Variants in PTPN2 observed in about 807,000 individuals in gnomAD.
PTPN2 encodes tyrosine-protein phosphatase non-receptor type 2.
A neutral mutation model predicts 57.3 loss-of-function variants in PTPN2; 19 were observed. That is an observed-to-expected ratio of 0.33 (90% CI 0.23 to 0.49). PTPN2 has a LOEUF of 0.49. Among genes scored for constraint, PTPN2 ranks in the 20% least tolerant of loss-of-function variants. The pLI is 0.99. For missense variants in PTPN2, 358 were observed against 501.1 expected (o/e 0.71, Z 2.73); for synonymous variants, 153 against 164.9 (o/e 0.93, Z 0.55).
In PTPN2 at chr18:12,792,889, C is replaced by A; in HGVS notation, c.*1389G>T. 1.0e-6 allele frequency: 1 copy of A among 980,628 alleles called. No homozygotes were observed. Among genetic ancestry groups the A allele is most frequent in the Non-Finnish European group, 1.2e-6 (1 of 825,530 alleles). The allele number at this position is 980,628 out of a possible 1,614,324, so 60.7% of individuals were successfully genotyped here. ...TACAGGCATGAGCCACCGCGCCCGA[C>A]CAAACTGTTTTTAAATGATAACTGC... is the stretch of plus-strand genomic sequence containing the variant. On this transcript the variant is annotated 3_prime_UTR_variant, in exon 9 of 9. Transcript: ENST00000309660.
At chr18:12,836,544 T>G (rs1403091628) in intron 3 of PTPN2, among the ~76,000 whole-genome samples, 1 of 152,258 alleles carries the variant, frequency 6.6e-6, no homozygotes, top group African/African-American at 2.4e-5. Flanking sequence ...GCCAAAGAAC[T>G]GGCCTAAGCC....
Position 12,870,374 on chromosome 18 carries a change from CATATATATACGTATATAT to C in PTPN2, c.70-11138_70-11121del, listed in dbSNP as rs1568169065. Among the ~76,000 whole-genome samples, 75 of 39,494 alleles carry C rather than the reference CATATATATACGTATATAT, an allele frequency of 1.9e-3. 1 individual carries two copies. The highest frequency in any genetic ancestry group is 2.7e-3 in the Non-Finnish European group (67 of 24,642). The allele number at this position is 39,494 out of a possible 152,430, so 25.9% of individuals were successfully genotyped here. A position where few individuals can be genotyped will look rare whatever the true frequency, so the allele number is the denominator to read the frequency against. ...ATGTGTATATATATGTGTATATATACATATATATACGTATATATGTATATATACACGTATATATATGTA... is the reference window on the plus strand; with the variant it reads ...ATGTGTATATATATGTGTATATATACGTATATATACACGTATATATATGTA... On this transcript the variant is annotated intron_variant, in intron 1 of 8. Transcript: ENST00000309660.
At chr18:12,829,769 T>C (rs1483978883) in intron 4 of PTPN2, among the ~76,000 whole-genome samples, 4 of 152,242 alleles carry the variant, frequency 2.6e-5, no homozygotes, top group African/African-American at 7.2e-5. Flanking sequence ...AATGACAGAA[T>C]TGGATTATCA....
rs1192374274 is a variant in PTPN2, at chr18:12,847,404, G to A, written c.161-10513C>T. ...TATTTTGGGCTTAACACAGGATAAAGAACTCTTTTTTCCATGTAAAAGTTC... is the reference window on the plus strand; with the variant it reads ...TATTTTGGGCTTAACACAGGATAAAAAACTCTTTTTTCCATGTAAAAGTTC... On this transcript the variant is annotated intron_variant, in intron 2 of 8. Transcript: ENST00000309660. Among the ~76,000 whole-genome samples the A allele has an allele frequency of 3.3e-5, 5 of 152,252 alleles. No individual in the cohort carries two copies. In the East Asian group the frequency reaches 7.7e-4, roughly 24 times the overall value.
intron 7 of PTPN2, among the ~76,000 whole-genome samples, chr18:12,805,788 C>A (rs567099479): frequency 1.3e-5 from 2 of 151,944 alleles, no homozygotes; most frequent in South Asian, 4.2e-4. Flanking sequence ...TGCCAGCATA[C>A]CCAGCTAATT....
At chr18:12,862,914 T>C (rs112812977) in intron 1 of PTPN2, among the ~76,000 whole-genome samples, 2 of 58,500 alleles carry the variant, frequency 3.4e-5, no homozygotes, top group Admixed American at 2.3e-4. Context: ...AAATCAGGTC[T>C]GTAATATACG....
intron 7 of PTPN2, among the ~76,000 whole-genome samples, chr18:12,804,102 C>T (rs1442801192): frequency 6.6e-6 from 1 of 151,838 alleles, no homozygotes; most frequent in Non-Finnish European, 1.5e-5. Context: ...GAGTTTGAGA[C>T]CAGCCTGGCC....
intron 1 of PTPN2, among the ~76,000 whole-genome samples, chr18:12,870,817 A>G (rs1216632528): frequency 2.6e-5 from 4 of 151,848 alleles, no homozygotes; most frequent in African/African-American, 4.8e-5. Context: ...CAGCACATAC[A>G]TATTTTTTTA....
At chr18:12,859,996 T>C (rs1046310220) in intron 1 of PTPN2, among the ~76,000 whole-genome samples, 2 of 151,694 alleles carry the variant, frequency 1.3e-5, no homozygotes, top group Admixed American at 1.3e-4. Context: ...CTATTAAAAA[T>C]ACAAAAATTT....
chr18:12,883,966 GAGAGGCT>G lies in PTPN2; in HGVS notation c.69+100_69+106del, dbSNP rs1221214113. 3.9e-4 allele frequency: 382 copies of G among 983,774 alleles called. 1 individual carries two copies. In the African/African-American group the frequency reaches 5.3e-3, roughly 14 times the overall value. The allele number at this position is 983,774 out of a possible 1,614,324, so 60.9% of individuals were successfully genotyped here. On this transcript the variant is annotated intron_variant, in intron 1 of 8. Transcript: ENST00000309660. ...CCGCGCCGCCACTTCCGCCCCGAGC[GAGAGGCT>G]AGAGGCGAGAGGCGGGGGAGGCGGG...
chr18:12,790,825 C>T (rs1219463436), downstream of PTPN2, among the ~76,000 whole-genome samples: 1 of 152,208 alleles, frequency 6.6e-6, no homozygotes, highest in African/African-American at 2.4e-5. Context: ...TGCTGACATA[C>T]CATTAAAAGA....
At chr18:12,785,602 T>A in exon 10 of PTPN2, 1 of 596,892 alleles carries the variant, frequency 1.7e-6, no homozygotes, top group South Asian at 2.0e-5. Context: ...CATACACTCA[T>A]TAAAAACACT....
At chr18:12,883,889 T>TTA (rs1555682675) in intron 1 of PTPN2, 184 bp downstream of exon 1, 5 of 471,240 alleles carry the variant, frequency 1.1e-5, no homozygotes, top group Non-Finnish European at 1.9e-5. Context: ...TTTTTTTTTT[T>TTA]AAACCAAAAG....
At chr18:12,794,512 G>C (rs1484728326) in intron 8 of PTPN2, 27 bp from the exon 9 acceptor site, 1 of 1,607,498 alleles carries the variant, frequency 6.2e-7, no homozygotes, top group East Asian at 2.2e-5. Context: ...ACAAGTGAAA[G>C]GAAGTGCACA....
At chr18:12,795,579 G>C (rs1193335263) in intron 8 of PTPN2, among the ~76,000 whole-genome samples, 3 of 152,194 alleles carry the variant, frequency 2.0e-5, no homozygotes, top group Non-Finnish European at 4.4e-5. Flanking sequence ...ACAGGCATGA[G>C]CCACTGTGTC....
intron 4 of PTPN2, among the ~76,000 whole-genome samples, chr18:12,826,167 C>T (rs956500171): frequency 3.9e-5 from 6 of 152,308 alleles, no homozygotes; most frequent in African/African-American, 1.4e-4. Flanking sequence ...ATTTGGGAGG[C>T]TGAGGCGGGA....
intron 8 of PTPN2, among the ~76,000 whole-genome samples, chr18:12,799,390 C>A (rs2041319802): frequency 6.6e-6 from 1 of 150,644 alleles, no homozygotes; most frequent in African/African-American, 2.4e-5. Context: ...GCACTTCAGC[C>A]TGGGTGACAG....
intron 2 of PTPN2, among the ~76,000 whole-genome samples, chr18:12,856,596 C>T (rs2043597358): frequency 6.6e-6 from 1 of 152,056 alleles, no homozygotes; most frequent in South Asian, 2.1e-4. Flanking sequence ...TGGAGGGAGG[C>T]CTGATAACGC....
chr18:12,812,117 C>T (rs544988665), intron 7 of PTPN2, among the ~76,000 whole-genome samples: 1 of 152,244 alleles, frequency 6.6e-6, no homozygotes, highest in South Asian at 2.1e-4. Flanking sequence ...CTGTCATCAT[C>T]AATACTGGGA....
Sources: allele counts gnomAD v4.1 joint callset (sites outside exome capture counted in the v4.1 genomes callset), GRCh38; gene constraint gnomAD v4.1.1; transcripts MANE v1.5; gene names NCBI Gene and HGNC (gene_info 2026-07-23, HGNC 2026-07-21).